Variants in IL15RA observed in about 807,000 individuals in gnomAD.
IL15RA encodes interleukin-15 receptor subunit alpha.
Under a neutral mutation model 24.2 loss-of-function variants are expected in IL15RA, and 26 were observed. That is an observed-to-expected ratio of 1.07 (90% CI 0.79 to 1.49). The LOEUF is 1.49. Among genes scored for constraint, IL15RA ranks in the 40% most tolerant of loss-of-function variants. The pLI is 0.00. For synonymous variants in IL15RA, 166 were observed against 157.6 expected, an observed-to-expected ratio of 1.05 and a Z score of -0.40; for missense variants, 354 against 356.4, an observed-to-expected ratio of 0.99 and a Z score of 0.05.
chr10:5,950,268 C>T (rs1357828506), downstream of IL15RA, among the ~76,000 whole-genome samples: 1 of 152,074 alleles, frequency 6.6e-6, no homozygotes, highest in East Asian at 1.9e-4. The surrounding 1 kb of genome is among the most constrained non-coding windows in gnomAD (Gnocchi z 5.6). Context: ...GGCCTCACAG[C>T]TATAGAACTT....
intron 6 of IL15RA, among the ~76,000 whole-genome samples, chr10:5,954,917 AAC>A (rs1465261097): frequency 2.6e-5 from 4 of 152,172 alleles, no homozygotes; most frequent in Non-Finnish European, 5.9e-5. Context: ...ATTTTTGAGT[AAC>A]ATATCAATGT....
In IL15RA at chr10:5,973,073, A is replaced by G. The variant is rs1837868151; in HGVS notation, c.88+4332T>C. Among the ~76,000 whole-genome samples, 1 of 152,250 alleles carries G rather than the reference A, an allele frequency of 6.6e-6. No individual in the cohort carries two copies. Among genetic ancestry groups the G allele is most frequent in the South Asian group, 2.1e-4 (1 of 4,838 alleles). On this transcript the variant is annotated intron_variant, in intron 1 of 6. Coordinates refer to ENST00000379977, the MANE Select transcript of IL15RA (RefSeq NM_002189.4). This position sits in a 1 kb window ranked among gnomAD's most constrained non-coding sequence, Gnocchi z 4.5. The stretch of plus-strand genomic sequence containing the variant: ...TGTCTTCAAACAAAGCAGTCTTCTC[A>G]GTTGCTTCTGGCCATCGCCCGCAAT...
rs1301841019 is a variant in IL15RA at position 5,975,250 on chromosome 10, G to A, written c.88+2155C>T. Among the ~76,000 whole-genome samples, 1 of 152,126 alleles carries A rather than the reference G, an allele frequency of 6.6e-6. No individual in the cohort carries two copies. The highest frequency in any genetic ancestry group is 1.5e-5 in the Non-Finnish European group (1 of 68,020). On this transcript the variant is annotated intron_variant, in intron 1 of 6. Transcript: ENST00000379977. This position sits in a 1 kb window ranked among gnomAD's most constrained non-coding sequence, Gnocchi z 4.8. The stretch of plus-strand genomic sequence containing the variant: ...CATGGGTAGAATACTACTACTCAAT[G>A]GTAGAAACTAATGAACTACTTATAC...
chr10:5,969,170 T>G (rs904949036), intron 1 of IL15RA, among the ~76,000 whole-genome samples: 2 of 152,136 alleles, frequency 1.3e-5, no homozygotes, highest in African/African-American at 4.8e-5. Context: ...CCTACTGTGC[T>G]AATCATTTTC....
At position 5,960,279 on chromosome 10, in the gene IL15RA, T is replaced by C. The variant is rs1564494241; in HGVS notation, c.583+88A>G. ...GTGAATCCTGACTTTGGATTGATGG[T>C]ATAAAGCTGCCTTGTGCCGGATCTC... On this transcript the variant is annotated intron_variant, in intron 4 of 6. Coordinates refer to ENST00000379977, the MANE Select transcript of IL15RA (RefSeq NM_002189.4). This position sits in a 1 kb window ranked among gnomAD's most constrained non-coding sequence, Gnocchi z 5.1. The C allele has an allele frequency of 8.2e-7, 1 of 1,220,190 alleles. No homozygotes were observed. Among genetic ancestry groups the C allele is most frequent in the Non-Finnish European group, 1.2e-6 (1 of 830,782 alleles). 75.6% of individuals were successfully genotyped at this position (1,220,190 alleles called of 1,614,324 possible).
At chr10:5,956,011 C>A (rs1018660493) in intron 6 of IL15RA, among the ~76,000 whole-genome samples, 1 of 151,938 alleles carries the variant, frequency 6.6e-6, no homozygotes, top group Non-Finnish European at 1.5e-5. Flanking sequence ...TATGGTGGGG[C>A]TCTTTTCTTT....
chr10:5,953,471 C>A lies in IL15RA; in HGVS notation c.693-265G>T, dbSNP rs3136631. 4,633 of 647,912 alleles carry A rather than the reference C, an allele frequency of 7.2e-3. 39 individuals are homozygous for A. Among genetic ancestry groups the A allele is most frequent in the African/African-American group, 0.029 (1,595 of 55,516 alleles). The allele number at this position is 647,912 out of a possible 1,614,324, so 40.1% of individuals were successfully genotyped here. A position where few individuals can be genotyped will look rare whatever the true frequency, so the allele number is the denominator to read the frequency against. Reference sequence around the variant, plus strand: ...TAATCCTAGCACTTTAGGAGGCTGTCGTGGGAGGATCGCTTGAGCCCAGAA... The same window carrying A: ...TAATCCTAGCACTTTAGGAGGCTGTAGTGGGAGGATCGCTTGAGCCCAGAA... On this transcript the variant is annotated intron_variant, in intron 6 of 6. Coordinates refer to ENST00000379977, the MANE Select transcript of IL15RA (RefSeq NM_002189.4). This position sits in a 1 kb window ranked among gnomAD's most constrained non-coding sequence, Gnocchi z 5.3.
In IL15RA at chr10:5,960,526, T is replaced by C; in HGVS notation, c.424A>G (p.Thr142Ala). The change falls in exon 4 of 7, where the codon ACA (threonine) becomes GCA (alanine). Residue 142 changes from threonine (T) to alanine (A), a missense_variant. Coordinates refer to ENST00000379977, the MANE Select transcript of IL15RA (RefSeq NM_002189.4). The surrounding 1 kb of genome is among the most constrained non-coding windows in gnomAD (Gnocchi z 5.1). ...GAGCCCGGGACAATAGCTGCTGTTG[T>C]GGCCGCTGTGTTGTTTGAGCTGGGA... Reference protein sequence around the residue: ...SSPSSNNTAATTAAIVPGSQL... With the variant: ...SSPSSNNTAAATAAIVPGSQL... 1 of 1,614,156 alleles carries C rather than the reference T, an allele frequency of 6.2e-7. No individual in the cohort carries two copies. The highest frequency in any genetic ancestry group is 8.5e-7 in the Non-Finnish European group (1 of 1,180,010).
rs1342384548 is a variant in IL15RA at position 5,955,384 on chromosome 10, C to T, written c.692+995G>A. 6.6e-6 allele frequency among the ~76,000 whole-genome samples: 1 copy of T among 152,136 alleles called. No individual in the cohort carries two copies. Among genetic ancestry groups the T allele is most frequent in the Non-Finnish European group, 1.5e-5 (1 of 68,040 alleles). On this transcript the variant is annotated intron_variant, in intron 6 of 6. Coordinates refer to ENST00000379977, the MANE Select transcript of IL15RA (RefSeq NM_002189.4). The surrounding 1 kb of genome is among the most constrained non-coding windows in gnomAD (Gnocchi z 5.3). ...GAAGTGCTGGGATTACAGGCATGAG[C>T]TACCGTGCCCAGCCAGGGTCACATA...
In IL15RA at chr10:5,958,455, A is replaced by G. The variant is rs934192753; in HGVS notation, c.616+1299T>C. ...GGCCAGAGTGCAGTGGTGTGATCAC[A>G]GCTCACTGCAACCTCTGCCTCCTGG... is the stretch of plus-strand genomic sequence containing the variant. On this transcript the variant is annotated intron_variant, in intron 5 of 6. Transcript: ENST00000379977. This position sits in a 1 kb window ranked among gnomAD's most constrained non-coding sequence, Gnocchi z 4.3. 3.6e-6 allele frequency: 1 copy of G among 274,546 alleles called. No individual in the cohort carries two copies. The highest frequency in any genetic ancestry group is 7.6e-6 in the Non-Finnish European group (1 of 131,904). 17.0% of individuals were successfully genotyped at this position (274,546 alleles called of 1,614,324 possible).
In IL15RA at chr10:5,959,593, T is replaced by C; in HGVS notation, c.616+161A>G. On this transcript the variant is annotated intron_variant, in intron 5 of 6. Coordinates refer to ENST00000379977, the MANE Select transcript of IL15RA (RefSeq NM_002189.4). The surrounding 1 kb of genome is among the most constrained non-coding windows in gnomAD (Gnocchi z 4.1). Reference sequence around the variant, plus strand: ...CACATCAAACAGAGAATTCCATAAATCAGCTATTACTTAACTTATTATCTG... The same window carrying C: ...CACATCAAACAGAGAATTCCATAAACCAGCTATTACTTAACTTATTATCTG... 1.5e-6 allele frequency: 1 copy of C among 657,264 alleles called. No homozygotes were observed. Among genetic ancestry groups the C allele is most frequent in the East Asian group, 2.7e-5 (1 of 36,878 alleles). 40.7% of individuals were successfully genotyped at this position (657,264 alleles called of 1,614,324 possible).
Position 5,977,413 on chromosome 10 carries a change from G to T in IL15RA, c.80C>A (p.Ala27Glu). 7.5e-7 allele frequency: 1 copy of T among 1,333,436 alleles called. No homozygotes were observed. Among genetic ancestry groups the T allele is most frequent in the Non-Finnish European group, 9.6e-7 (1 of 1,042,370 alleles). The allele number at this position is 1,333,436 out of a possible 1,614,324, so 82.6% of individuals were successfully genotyped here. Residue 27 changes from alanine to glutamate, a missense_variant, in exon 1 of 7, where the codon GCG (alanine) becomes GAG (glutamate). By Grantham distance (107) the Ala-to-Glu change is moderately radical. Transcript: ENST00000379977. ...LLLLLLLRPP[A>E]TRGITCPPPM... ...TGCTCCCAGCTCCCTACCCCGCGTC[G>T]CCGGCGGCCGGAGCAGCAGCAGCAG...
rs1389630599 is a variant in IL15RA, at chr10:5,968,072, AC to A, written c.89-1734del. Reference sequence around the variant, plus strand: ...AGAATCTGTCTCAAACAAACAGAAAACCCCCCAAAAACCAACAAACCAACCA... The same window carrying A: ...AGAATCTGTCTCAAACAAACAGAAAACCCCCAAAAACCAACAAACCAACCA... On this transcript the variant is annotated intron_variant, in intron 1 of 6. Transcript: ENST00000379977. The surrounding 1 kb of genome is among the most constrained non-coding windows in gnomAD (Gnocchi z 5.4). Among the ~76,000 whole-genome samples, 3 of 151,852 alleles carry A rather than the reference AC, an allele frequency of 2.0e-5. No homozygotes were observed. Among genetic ancestry groups the A allele is most frequent in the Non-Finnish European group, 4.4e-5 (3 of 67,954 alleles).
rs560781198 is a variant in IL15RA, at chr10:5,974,424, G to C, written c.88+2981C>G. Among the ~76,000 whole-genome samples the C allele has an allele frequency of 3.3e-5, 5 of 152,212 alleles. No homozygotes were observed. In the South Asian group the frequency reaches 1.0e-3, roughly 32 times the overall value. On this transcript the variant is annotated intron_variant, in intron 1 of 6. Transcript: ENST00000379977. ...AAAAATGCAAATTAAAACTACAAGG[G>C]GAGACCCCCTACATACCTAGTAGAA...
chr10:5,971,628 A>T lies in IL15RA; in HGVS notation c.89-5289T>A, dbSNP rs1481853688. Among the ~76,000 whole-genome samples the T allele has an allele frequency of 6.6e-6, 1 of 152,230 alleles. No homozygotes were observed. ...GTGGTAGGATTCAGAGATGTGTCAG[A>T]TATGGTTCCTGCCCTCAGGATGCTC... On this transcript the variant is annotated intron_variant, in intron 1 of 6. Transcript: ENST00000379977. This position sits in a 1 kb window ranked among gnomAD's most constrained non-coding sequence, Gnocchi z 5.5.
rs374107271 is a variant in IL15RA, at chr10:5,966,304, C to A, written c.124G>T (p.Ala42Ser). ...CTGTAGCTCTTGACCCAGATGTCTGCGTGTTCCACGGACATGGGGGGAGGG... is the reference window on the plus strand; with the variant it reads ...CTGTAGCTCTTGACCCAGATGTCTGAGTGTTCCACGGACATGGGGGGAGGG... The part of the protein sequence containing the change: ...TCPPPMSVEH[A>S]DIWVKSYSLY... Residue 42 changes from alanine (A) to serine (S), a missense_variant, in exon 2 of 7, where the codon GCA (alanine) becomes TCA (serine). Physicochemically the swap from Ala to Ser is moderately conservative, Grantham distance 99. Transcript: ENST00000379977. The surrounding 1 kb of genome is among the most constrained non-coding windows in gnomAD (Gnocchi z 6.4). The A allele has an allele frequency of 1.2e-6, 2 of 1,612,226 alleles. No homozygotes were observed. The highest frequency in any genetic ancestry group is 1.7e-6 in the Non-Finnish European group (2 of 1,178,410).
rs1381259590 is a variant in IL15RA, at chr10:5,971,441, G to C, written c.89-5102C>G. Among the ~76,000 whole-genome samples the C allele has an allele frequency of 6.6e-6, 1 of 152,202 alleles. No individual in the cohort carries two copies. The highest frequency in any genetic ancestry group is 2.4e-5 in the African/African-American group (1 of 41,446). Reference sequence around the variant, plus strand: ...TCACACTTCCTTATCTATCAGGTTGGTTTACAGAGTCTAATAAGAGCTGGC... The same window carrying C: ...TCACACTTCCTTATCTATCAGGTTGCTTTACAGAGTCTAATAAGAGCTGGC... On this transcript the variant is annotated intron_variant, in intron 1 of 6. Coordinates refer to ENST00000379977, the MANE Select transcript of IL15RA (RefSeq NM_002189.4). The surrounding 1 kb of genome is among the most constrained non-coding windows in gnomAD (Gnocchi z 5.5).
chr10:5,977,459 G>A lies in IL15RA; in HGVS notation c.34C>T (p.Leu12Phe). 2 of 1,364,812 alleles carry A rather than the reference G, an allele frequency of 1.5e-6. No individual in the cohort carries two copies. Among genetic ancestry groups the A allele is most frequent in the Non-Finnish European group, 1.9e-6 (2 of 1,060,352 alleles). The allele number at this position is 1,364,812 out of a possible 1,614,324, so 84.5% of individuals were successfully genotyped here. A position where few individuals can be genotyped will look rare whatever the true frequency, so the allele number is the denominator to read the frequency against. ...AGCAGTAGCAGCGCCGGGAGACCGA[G>A]GGTCCGGCAGCCGCGCGCCCGCCGC... Reference protein sequence around the residue: ...APRRARGCRTLGLPALLLLLL... With the variant: ...APRRARGCRTFGLPALLLLLL... Residue 12 changes from leucine to phenylalanine, a missense_variant, in exon 1 of 7, where the codon CTC (leucine) becomes TTC (phenylalanine). Leu to Phe is a conservative substitution (Grantham distance 22). Coordinates refer to ENST00000379977, the MANE Select transcript of IL15RA (RefSeq NM_002189.4).
At position 5,961,646 on chromosome 10, in the gene IL15RA, C is replaced by T. The variant is rs1422853131; in HGVS notation, c.383-1079G>A. The stretch of plus-strand genomic sequence containing the variant: ...AGCTTGCTCTCAGGAACAGAGGCTG[C>T]CTTGTGTTCAGCGTCTTCCCTGTCT... On this transcript the variant is annotated intron_variant, in intron 3 of 6. Coordinates refer to ENST00000379977, the MANE Select transcript of IL15RA (RefSeq NM_002189.4). This position sits in a 1 kb window ranked among gnomAD's most constrained non-coding sequence, Gnocchi z 5.2. 6.6e-6 allele frequency among the ~76,000 whole-genome samples: 1 copy of T among 152,226 alleles called. No homozygotes were observed. Among genetic ancestry groups the T allele is most frequent in the Non-Finnish European group, 1.5e-5 (1 of 68,044 alleles).
Sources: allele counts gnomAD v4.1 joint callset (sites outside exome capture counted in the v4.1 genomes callset), GRCh38; gene constraint gnomAD v4.1.1; non-coding constraint Gnocchi (gnomAD v3.1); transcripts MANE v1.5; gene names NCBI Gene and HGNC (gene_info 2026-07-23, HGNC 2026-07-21).